Variants in UBALD2 observed in about 807,000 individuals in gnomAD.
The protein encoded by UBALD2 is UBA-like domain-containing protein 2.
A neutral mutation model predicts 15.9 loss-of-function variants in UBALD2; 8 were observed. The ratio of observed to expected loss-of-function variants is 0.50; its 90% CI spans 0.29 to 0.91. The LOEUF (loss-of-function observed/expected upper bound fraction) is 0.91. Ranked by LOEUF, UBALD2 falls within the 40% of genes least tolerant of loss-of-function variation. The pLI is 0.07. For synonymous variants in UBALD2, 113 were observed against 97.7 expected, an observed-to-expected ratio of 1.16 and a Z score of -0.93; for missense variants, 178 against 234.8, an observed-to-expected ratio of 0.76 and a Z score of 1.58.
At chr17:76,265,670 CGCCGGGCGGCGGCGGGGGCGGGGA>C in intron 1 of UBALD2, 45 bp downstream of exon 1, 3 of 1,148,592 alleles carry the variant, frequency 2.6e-6, no homozygotes, top group Non-Finnish European at 3.2e-6. Context: ...GGGTCGGGGA[CGCCGGGCGGCGGCGGGGGCGGGGA>C]GCGCTCCTGT....
At position 76,269,303 on chromosome 17, in the gene UBALD2, G is replaced by A. The variant is rs1348846250; in HGVS notation, c.184-891G>A. Among the ~76,000 whole-genome samples the A allele has an allele frequency of 2.0e-5, 3 of 152,182 alleles. No homozygotes were observed. The highest frequency in any genetic ancestry group is 4.1e-4 in the South Asian group (2 of 4,832). The stretch of plus-strand genomic sequence containing the variant: ...TAGTGACAGAAGACAGCAGATGGGG[G>A]ACTGTAGCTACCCCCAGGAAGAGGA... On this transcript the variant is annotated intron_variant, in intron 2 of 2. Transcript: ENST00000327490. This position sits in a 1 kb window ranked among gnomAD's most constrained non-coding sequence, Gnocchi z 4.6.
chr17:76,269,880 C>T lies in UBALD2; in HGVS notation c.184-314C>T, dbSNP rs1359961464. Among the ~76,000 whole-genome samples the T allele has an allele frequency of 1.3e-5, 2 of 152,170 alleles. No individual in the cohort carries two copies. Among genetic ancestry groups the T allele is most frequent in the African/African-American group, 2.4e-5 (1 of 41,434 alleles). On this transcript the variant is annotated intron_variant, in intron 2 of 2. Transcript: ENST00000327490. This position sits in a 1 kb window ranked among gnomAD's most constrained non-coding sequence, Gnocchi z 4.6. ...TGCGGAACAGTGGTGTCCTGGGCTG[C>T]CCCCTTGCCCTTTCACTTTAATCTG...
At chr17:76,266,112 G>GGCGCCTCCAACTTTGAGGC (rs1253486707) in intron 2 of UBALD2, 143 bp downstream of exon 2, 1 of 1,119,208 alleles carries the variant, frequency 8.9e-7, no homozygotes, top group Non-Finnish European at 1.3e-6. Flanking sequence ...GGCCGGCGCT[G>GGCGCCTCCAACTTTGAGGC]GCGCCTCCAA....
chr17:76,270,361 G>T lies in UBALD2; in HGVS notation c.351G>T (p.Pro117=). 1.3e-6 allele frequency: 2 copies of T among 1,569,716 alleles called. No individual in the cohort carries two copies. Among genetic ancestry groups the T allele is most frequent in the Non-Finnish European group, 8.6e-7 (1 of 1,162,132 alleles). ...TCAGCCCCTTCTGGGCCTCGTCCCC[G>T]CCCAGCCACCAGGCGCCCTGGATCC... ...ANFSPFWASS[P]PSHQAPWIPP... The change falls in exon 3 of 3, where the codon CCG becomes CCT. Residue 117 remains proline (P), a synonymous_variant. Coordinates refer to ENST00000327490, the MANE Select transcript of UBALD2 (RefSeq NM_182565.4).
rs2070580441 is a variant in UBALD2 at position 76,270,621 on chromosome 17, T to G, written c.*116T>G. 3 of 1,012,372 alleles carry G rather than the reference T, an allele frequency of 3.0e-6. No homozygotes were observed. The East Asian group carries it at 9.4e-5, about 32-fold the overall frequency. The allele number at this position is 1,012,372 out of a possible 1,614,324, so 62.7% of individuals were successfully genotyped here. A position where few individuals can be genotyped will look rare whatever the true frequency, so the allele number is the denominator to read the frequency against. ...GCAGGGGGTTTCCCGAAGATCGCACTGGAAGATTTTATAAAAGAATTTTTG... is the reference window on the plus strand; with the variant it reads ...GCAGGGGGTTTCCCGAAGATCGCACGGGAAGATTTTATAAAAGAATTTTTG... On this transcript the variant is annotated 3_prime_UTR_variant, in exon 3 of 3. Transcript: ENST00000327490.
At chr17:76,268,023 A>G (rs1197580184) in intron 2 of UBALD2, among the ~76,000 whole-genome samples, 6 of 152,250 alleles carry the variant, frequency 3.9e-5, no homozygotes, top group Non-Finnish European at 7.3e-5. Flanking sequence ...ACTAGAGACC[A>G]GTAACAGCAA....
At position 76,265,628 on chromosome 17, in the gene UBALD2, G is replaced by T; in HGVS notation, c.120+3G>T. 1 of 1,219,954 alleles carries T rather than the reference G, an allele frequency of 8.2e-7. No homozygotes were observed. The allele number at this position is 1,219,954 out of a possible 1,614,324, so 75.6% of individuals were successfully genotyped here. On this transcript the variant is annotated splice_donor_region_variant and intron_variant, in intron 1 of 2. Coordinates refer to ENST00000327490, the MANE Select transcript of UBALD2 (RefSeq NM_182565.4). ...AGGCGGCCCACTGGCAGTTCGAGGTGCGAGCCTGGCCGCCGCGGGGCCGGG... is the reference window on the plus strand; with the variant it reads ...AGGCGGCCCACTGGCAGTTCGAGGTTCGAGCCTGGCCGCCGCGGGGCCGGG...
chr17:76,270,579 G>C lies in UBALD2; in HGVS notation c.*74G>C, dbSNP rs762523653. On this transcript the variant is annotated 3_prime_UTR_variant, in exon 3 of 3. Transcript: ENST00000327490. ...TGTGGGGACACAGGAGGGCCAGGGA[G>C]GGGGGAGCCGGGGAGGGCAGGGGGT... 14 of 1,281,766 alleles carry C rather than the reference G, an allele frequency of 1.1e-5. No homozygotes were observed. Among genetic ancestry groups the C allele is most frequent in the South Asian group, 5.3e-5 (3 of 56,478 alleles). The allele number at this position is 1,281,766 out of a possible 1,614,324, so 79.4% of individuals were successfully genotyped here. A position where few individuals can be genotyped will look rare whatever the true frequency, so the allele number is the denominator to read the frequency against.
At chr17:76,268,732 T>G (rs924247564) in intron 2 of UBALD2, among the ~76,000 whole-genome samples, 1 of 104,672 alleles carries the variant, frequency 9.6e-6, no homozygotes, top group Non-Finnish European at 1.7e-5. Flanking sequence ...GCTCCCTCTG[T>G]TTTTTTTTTT....
At chr17:76,266,078 T>G in intron 2 of UBALD2, 109 bp downstream of exon 2, 1 of 1,365,024 alleles carries the variant, frequency 7.3e-7, no homozygotes, top group Non-Finnish European at 1.0e-6. Flanking sequence ...AGCCAAAATG[T>G]CTTCCAGGAA....
intron 2 of UBALD2, among the ~76,000 whole-genome samples, chr17:76,268,535 T>G (rs965012808): frequency 6.8e-6 from 1 of 147,530 alleles, no homozygotes; most frequent in Admixed American, 6.7e-5. Context: ...AAGGTCTGGG[T>G]GGGGCCAGGC....
rs1184855086 is a variant in UBALD2, at chr17:76,270,523, C to T, written c.*18C>T. On this transcript the variant is annotated 3_prime_UTR_variant, in exon 3 of 3. Coordinates refer to ENST00000327490, the MANE Select transcript of UBALD2 (RefSeq NM_182565.4). ...AGAGATGAGACTGGACGCCGCCGGGCGCTGGGCTGGAGCTGGGGGCAGCCC... is the reference window on the plus strand; with the variant it reads ...AGAGATGAGACTGGACGCCGCCGGGTGCTGGGCTGGAGCTGGGGGCAGCCC... 17 of 1,435,290 alleles carry T rather than the reference C, an allele frequency of 1.2e-5. No homozygotes were observed. The highest frequency in any genetic ancestry group is 1.0e-4 in the East Asian group (4 of 38,862). 88.9% of individuals were successfully genotyped at this position (1,435,290 alleles called of 1,614,324 possible).
Position 76,266,058 on chromosome 17 carries a change from G to A in UBALD2, c.183+89G>A, listed in dbSNP as rs928754486. 12 of 1,464,580 alleles carry A rather than the reference G, an allele frequency of 8.2e-6. No individual in the cohort carries two copies. The African/African-American group carries it at 1.3e-4, about 16-fold the overall frequency. 90.7% of individuals were successfully genotyped at this position (1,464,580 alleles called of 1,614,324 possible). ...TGCCGGGGAGCGCCGCGCCGCGAAT[G>A]TAAACAAAGAGCCAAAATGTCTTCC... On this transcript the variant is annotated intron_variant, in intron 2 of 2. Coordinates refer to ENST00000327490, the MANE Select transcript of UBALD2 (RefSeq NM_182565.4).
chr17:76,268,519 AG>A (rs879926124), intron 2 of UBALD2, among the ~76,000 whole-genome samples: 6 of 142,482 alleles, frequency 4.2e-5, no homozygotes, highest in Non-Finnish European at 9.0e-5. Flanking sequence ...TGGAGGGAGG[AG>A]GGGAAAGGTC....
chr17:76,265,999 G>A, intron 2 of UBALD2, 30 bp downstream of exon 2: 3 of 1,551,074 alleles, frequency 1.9e-6, no homozygotes, highest in Middle Eastern at 1.7e-4. Flanking sequence ...GGCGCGGGCC[G>A]GGGCCGCTGT....
rs182658532 is a variant in UBALD2 at position 76,270,763 on chromosome 17, C to G, written c.*258C>G. The G allele has an allele frequency of 3.2e-6, 1 of 313,402 alleles. No individual in the cohort carries two copies. The highest frequency in any genetic ancestry group is 5.4e-5 in the East Asian group (1 of 18,658). 19.4% of individuals were successfully genotyped at this position (313,402 alleles called of 1,614,324 possible). On this transcript the variant is annotated 3_prime_UTR_variant, in exon 3 of 3. Coordinates refer to ENST00000327490, the MANE Select transcript of UBALD2 (RefSeq NM_182565.4). The stretch of plus-strand genomic sequence containing the variant: ...AATATATATGAATAGATAAATATAA[C>G]TAATGTGCGTGAGAATGGGCCTGGC...
At position 76,265,495 on chromosome 17, in the gene UBALD2, C is replaced by T. The variant is rs1213871707; in HGVS notation, c.-11C>T. 2.5e-6 allele frequency: 3 copies of T among 1,188,898 alleles called. No homozygotes were observed. The highest frequency in any genetic ancestry group is 3.3e-5 in the African/African-American group (2 of 61,028). The allele number at this position is 1,188,898 out of a possible 1,614,324, so 73.6% of individuals were successfully genotyped here. On this transcript the variant is annotated 5_prime_UTR_variant, in exon 1 of 3. Coordinates refer to ENST00000327490, the MANE Select transcript of UBALD2 (RefSeq NM_182565.4). The stretch of plus-strand genomic sequence containing the variant: ...CGGCCGGAGACGCCGGGCCCCGCGC[C>T]GCGCCGCGCCATGTCGGTGAACATG...
At position 76,270,180 on chromosome 17, in the gene UBALD2, G is replaced by A. The variant is rs2070575335; in HGVS notation, c.184-14G>A. ...CCCGAGGCAGCCTCCCCACACCCGT[G>A]TTCTCTCCCGCAGATGTGCACTCCC... is the stretch of plus-strand genomic sequence containing the variant. On this transcript the variant is annotated splice_polypyrimidine_tract_variant and intron_variant, in intron 2 of 2. Transcript: ENST00000327490. The A allele has an allele frequency of 6.2e-7, 1 of 1,610,966 alleles. No individual in the cohort carries two copies. Among genetic ancestry groups the A allele is most frequent in the African/African-American group, 1.3e-5 (1 of 74,818 alleles).
chr17:76,265,947 A>G lies in UBALD2; in HGVS notation c.161A>G (p.Asn54Ser), dbSNP rs1598467012. Residue 54 changes from asparagine (N) to serine (S), a missense_variant, in exon 2 of 3, where the codon AAC becomes AGC. Coordinates refer to ENST00000327490, the MANE Select transcript of UBALD2 (RefSeq NM_182565.4). The part of the protein sequence containing the change: ...STFFQETNIP[N>S]SHHHHQMMCT... The stretch of plus-strand genomic sequence containing the variant: ...TTCTTCCAAGAAACCAACATTCCCA[A>G]CAGCCACCACCACCACCAGATGGTA... The G allele has an allele frequency of 6.3e-7, 1 of 1,596,860 alleles. No individual in the cohort carries two copies. The highest frequency in any genetic ancestry group is 2.3e-5 in the East Asian group (1 of 44,094).
Sources: allele counts gnomAD v4.1 joint callset (sites outside exome capture counted in the v4.1 genomes callset), GRCh38; gene constraint gnomAD v4.1.1; non-coding constraint Gnocchi (gnomAD v3.1); transcripts MANE v1.5; gene names NCBI Gene and HGNC (gene_info 2026-07-23, HGNC 2026-07-21).